NEK11: variants seen among roughly 807,000 people sequenced by gnomAD.
The protein encoded by NEK11 is serine/threonine-protein kinase Nek11.
Under a neutral mutation model 80.7 loss-of-function variants are expected in NEK11, and 72 were observed. That is an observed-to-expected ratio of 0.89 (90% CI 0.74 to 1.08). The LOEUF is 1.08. Among genes scored for constraint, NEK11 ranks in the 50% least tolerant of loss-of-function variants. The pLI, the probability that NEK11 is intolerant of heterozygous loss-of-function variation, is 0.00. For synonymous variants in NEK11, 251 were observed against 260.7 expected, an observed-to-expected ratio of 0.96 and a Z score of 0.36; for missense variants, 764 against 763.6, an observed-to-expected ratio of 1.00 and a Z score of -0.01.
intron 3 of NEK11, among the ~76,000 whole-genome samples, chr3:131,058,476 A>G (rs1217623186): frequency 6.6e-6 from 1 of 152,118 alleles, no homozygotes; most frequent in Non-Finnish European, 1.5e-5. Context: ...TTTTAGAGAG[A>G]GCGATACCAG....
In NEK11 at chr3:131,255,032, A is replaced by AAG. The variant is rs754846820; in HGVS notation, c.1621+11556_1621+11557dup. ...CAAGACTCCATCTAAGAAAGAAAGA[A>AAG]AGAGAGAGAGAGAGAGAGAGACAGA... is the stretch of plus-strand genomic sequence containing the variant. On this transcript the variant is annotated intron_variant, in intron 16 of 17. Transcript: ENST00000383366. 2.1e-3 allele frequency among the ~76,000 whole-genome samples: 268 copies of AAG among 130,088 alleles called. 1 individual carries two copies. The highest frequency in any genetic ancestry group is 4.2e-3 in the East Asian group (17 of 4,074). 85.3% of individuals were successfully genotyped at this position (130,088 alleles called of 152,430 possible).
At chr3:131,285,080 T>C (rs945942552) in intron 17 of NEK11, among the ~76,000 whole-genome samples, 1 of 152,184 alleles carries the variant, frequency 6.6e-6, no homozygotes, top group Non-Finnish European at 1.5e-5. Context: ...TTTTTGAAAA[T>C]TTGAAAGCTA....
chr3:131,174,053 A>T (rs1422241007), intron 14 of NEK11, among the ~76,000 whole-genome samples: 1 of 152,208 alleles, frequency 6.6e-6, no homozygotes, highest in Non-Finnish European at 1.5e-5. Flanking sequence ...TCTAAATGCT[A>T]TTCTTTCTTA....
chr3:131,126,548 T>C (rs964750285), intron 5 of NEK11, among the ~76,000 whole-genome samples: 1 of 152,244 alleles, frequency 6.6e-6, no homozygotes, highest in East Asian at 1.9e-4. Flanking sequence ...TTCTGGATTC[T>C]GTTATTGATG....
chr3:131,229,945 G>T (rs1236631852), intron 15 of NEK11, among the ~76,000 whole-genome samples: 1 of 151,926 alleles, frequency 6.6e-6, no homozygotes, highest in African/African-American at 2.4e-5. Flanking sequence ...TTTTCCAACG[G>T]AATCTGGAAA....
At chr3:131,346,183 T>C (rs573006742) in intron 17 of NEK11, among the ~76,000 whole-genome samples, 2 of 152,186 alleles carry the variant, frequency 1.3e-5, no homozygotes, top group East Asian at 3.8e-4. Flanking sequence ...ATAAGTAGAT[T>C]TTAGCTGTTC....
At chr3:131,319,233 CTTG>C (rs1296248577) in intron 17 of NEK11, among the ~76,000 whole-genome samples, 1 of 152,114 alleles carries the variant, frequency 6.6e-6, no homozygotes, top group Non-Finnish European at 1.5e-5. Context: ...TCTAATGTGA[CTTG>C]TTATTAAAAG....
intron 3 of NEK11, among the ~76,000 whole-genome samples, chr3:131,059,622 A>G (rs2070423374): frequency 6.6e-6 from 1 of 152,218 alleles, no homozygotes; most frequent in Non-Finnish European, 1.5e-5. Flanking sequence ...AGTGTGAAGT[A>G]TATGCGTTTA....
chr3:131,348,404 G>A (rs1025571737), intron 17 of NEK11, among the ~76,000 whole-genome samples: 1 of 152,078 alleles, frequency 6.6e-6, no homozygotes, highest in African/African-American at 2.4e-5. Flanking sequence ...ATGCCCTTGA[G>A]TTAAGTGGGT....
At chr3:131,169,811 A>G (rs1298020809) in intron 13 of NEK11, among the ~76,000 whole-genome samples, 1 of 152,220 alleles carries the variant, frequency 6.6e-6, no homozygotes, top group Non-Finnish European at 1.5e-5. Flanking sequence ...TTGAGAGTCC[A>G]AATACATACT....
At chr3:131,336,841 G>A (rs2110231558) in intron 17 of NEK11, among the ~76,000 whole-genome samples, 2 of 152,340 alleles carry the variant, frequency 1.3e-5, no homozygotes, top group Admixed American at 1.3e-4. Context: ...AGACATTTAT[G>A]CAGCCAAAAG....
intron 14 of NEK11, among the ~76,000 whole-genome samples, chr3:131,192,889 T>C: frequency 6.6e-6 from 1 of 152,106 alleles, no homozygotes. Flanking sequence ...AGTGTGATGG[T>C]GTGGTAATCG....
At chr3:131,262,328 C>T (rs1192311106) in intron 16 of NEK11, among the ~76,000 whole-genome samples, 2 of 152,052 alleles carry the variant, frequency 1.3e-5, no homozygotes, top group Non-Finnish European at 2.9e-5. Flanking sequence ...CAAAGTCAGC[C>T]TGGGCAACAT....
At chr3:131,212,997 G>C (rs897064523) in intron 14 of NEK11, among the ~76,000 whole-genome samples, 13 of 152,190 alleles carry the variant, frequency 8.5e-5, no homozygotes, top group Non-Finnish European at 1.6e-4. Flanking sequence ...AAGAGAAGAA[G>C]ACTGATCTTC....
intron 16 of NEK11, among the ~76,000 whole-genome samples, chr3:131,244,915 C>A (rs1309044936): frequency 1.3e-5 from 2 of 151,906 alleles, no homozygotes; most frequent in African/African-American, 4.8e-5. Flanking sequence ...TAGAGTGAGA[C>A]CCTATCTCAA....
intron 4 of NEK11, among the ~76,000 whole-genome samples, chr3:131,080,809 G>A (rs970074586): frequency 1.3e-5 from 2 of 152,106 alleles, no homozygotes; most frequent in African/African-American, 4.8e-5. Flanking sequence ...CAGTAAAAAA[G>A]AATATATTTT....
intron 17 of NEK11, among the ~76,000 whole-genome samples, chr3:131,320,368 C>T (rs185005247): frequency 2.3e-4 from 35 of 152,186 alleles, no homozygotes; most frequent in African/African-American, 4.8e-5. Context: ...CAGCAAACTA[C>T]CAAACAAACT....
intron 16 of NEK11, among the ~76,000 whole-genome samples, chr3:131,246,934 T>C (rs1034175722): frequency 6.6e-5 from 10 of 152,172 alleles, no homozygotes; most frequent in African/African-American, 2.2e-4. Flanking sequence ...TGTCTACTTA[T>C]GTCCTTAGCC....
intron 5 of NEK11, among the ~76,000 whole-genome samples, chr3:131,128,850 A>C (rs2083846074): frequency 6.6e-6 from 1 of 152,122 alleles, no homozygotes; most frequent in Non-Finnish European, 1.5e-5. Flanking sequence ...GGGCCGTTCT[A>C]ATAGGTGTGT....
Sources: gnomAD v4.1 joint callset for allele counts (sites outside exome capture counted in the v4.1 genomes callset) on GRCh38, gnomAD v4.1.1 for gene constraint, MANE v1.5 for transcripts, NCBI Gene and HGNC (gene_info 2026-07-23, HGNC 2026-07-21) for gene names.